The following CDC14A variants were observed in gnomAD, a reference collection of about 807,000 sequenced individuals.
The protein encoded by CDC14A is cell division cycle 14A, also known as dual specificity protein phosphatase CDC14A.
In CDC14A, 53 loss-of-function variants were observed where a neutral mutation model predicts 74.4. The observed-to-expected ratio is 0.71, with a 90% CI of 0.57 to 0.89. CDC14A has a LOEUF of 0.89. CDC14A is among the 40% of genes least tolerant of loss of function. CDC14A has a pLI of 0.00. For missense variants in CDC14A, 646 were observed against 713.7 expected, an observed-to-expected ratio of 0.91 and a Z score of 1.08; for synonymous variants, 247 against 258.4, an observed-to-expected ratio of 0.96 and a Z score of 0.43.
chr1:100,391,403 A>G (rs767476325), intron 4 of CDC14A, among the ~76,000 whole-genome samples: 2 of 152,228 alleles, frequency 1.3e-5, no homozygotes, highest in Non-Finnish European at 2.9e-5. Context: ...AGACACTAAC[A>G]TGTCAGTATG....
At chr1:100,374,869 C>T (rs1052698348) in intron 2 of CDC14A, among the ~76,000 whole-genome samples, 13 of 152,162 alleles carry the variant, frequency 8.5e-5, no homozygotes, top group Non-Finnish European at 1.6e-4. Flanking sequence ...CATTAATGAA[C>T]AAACTATTTC....
intron 2 of CDC14A, among the ~76,000 whole-genome samples, chr1:100,374,274 A>C (rs1024764657): frequency 6.6e-6 from 1 of 152,164 alleles, no homozygotes; most frequent in East Asian, 1.9e-4. Context: ...GTACGTGTGC[A>C]TGTGTCTTTA....
intron 2 of CDC14A, among the ~76,000 whole-genome samples, chr1:100,364,709 G>A (rs1296828438): frequency 6.6e-6 from 1 of 152,184 alleles, no homozygotes; most frequent in Non-Finnish European, 1.5e-5. Context: ...AATTTACACT[G>A]CTTGAGAATA....
At chr1:100,421,371 G>A (rs1437917187) in intron 4 of CDC14A, among the ~76,000 whole-genome samples, 1 of 152,118 alleles carries the variant, frequency 6.6e-6, no homozygotes, top group African/African-American at 2.4e-5. Flanking sequence ...ACAAATTTTC[G>A]AGCATTAAAT....
Position 100,372,493 on chromosome 1 carries a change from CT to C in CDC14A, c.141-5051del, listed in dbSNP as rs1448703070. 3.3e-5 allele frequency among the ~76,000 whole-genome samples: 5 copies of C among 152,310 alleles called. No individual in the cohort carries two copies. In the East Asian group the frequency reaches 9.6e-4, roughly 29 times the overall value. On this transcript the variant is annotated intron_variant, in intron 2 of 15. Coordinates refer to ENST00000336454, the MANE Select transcript of CDC14A (RefSeq NM_003672.4). ...GTCATTTCAATAATATTCACAGCAT[CT>C]TCAAAAGGAGTAAATTCCATCTGAA...
chr1:100,408,795 GA>G (rs1450317764), intron 4 of CDC14A, among the ~76,000 whole-genome samples: 1 of 152,138 alleles, frequency 6.6e-6, no homozygotes, highest in African/African-American at 2.4e-5. Flanking sequence ...GATCAGAACG[GA>G]TCCAGGCAAT....
chr1:100,393,674 T>A lies in CDC14A; in HGVS notation c.309+2850T>A, dbSNP rs184180633. The stretch of plus-strand genomic sequence containing the variant: ...CAAAATATGGATCAAGTGGTCAATA[T>A]CAATCAAGCGGTGGCACACGACTGT... On this transcript the variant is annotated intron_variant, in intron 4 of 15. Coordinates refer to ENST00000336454, the MANE Select transcript of CDC14A (RefSeq NM_003672.4). 3.2e-3 allele frequency: 1,603 copies of A among 501,640 alleles called. 3 individuals are homozygous for A. The highest frequency in any genetic ancestry group is 4.9e-3 in the Non-Finnish European group (1,311 of 266,314). The allele number at this position is 501,640 out of a possible 1,614,324, so 31.1% of individuals were successfully genotyped here. A position where few individuals can be genotyped will look rare whatever the true frequency, so the allele number is the denominator to read the frequency against.
At chr1:100,358,289 C>G (rs1652198623) in intron 2 of CDC14A, among the ~76,000 whole-genome samples, 1 of 152,178 alleles carries the variant, frequency 6.6e-6, no homozygotes, top group Non-Finnish European at 1.5e-5. Flanking sequence ...GTAATCCAAA[C>G]AGGCGCTTAC....
At chr1:100,497,395 A>C (rs1648003658) in intron 13 of CDC14A, among the ~76,000 whole-genome samples, 1 of 152,230 alleles carries the variant, frequency 6.6e-6, no homozygotes, top group South Asian at 2.1e-4. Context: ...GAAAGTGTGG[A>C]AAGAAGGACC....
At position 100,407,708 on chromosome 1, in the gene CDC14A, G is replaced by C. The variant is rs186006548; in HGVS notation, c.310-16514G>C. Reference sequence around the variant, plus strand: ...TACCCTTTATTTCTTTCTCTTGTCTGATGGCCTTGGCGAGAACTTCCAATA... The same window carrying C: ...TACCCTTTATTTCTTTCTCTTGTCTCATGGCCTTGGCGAGAACTTCCAATA... On this transcript the variant is annotated intron_variant, in intron 4 of 15. Transcript: ENST00000336454. 2.6e-5 allele frequency among the ~76,000 whole-genome samples: 4 copies of C among 152,054 alleles called. No individual in the cohort carries two copies. The South Asian group carries it at 6.2e-4, about 24-fold the overall frequency.
At chr1:100,498,241 T>A (rs1648163565) in intron 14 of CDC14A, 34 bp downstream of exon 14, 1 of 1,605,276 alleles carries the variant, frequency 6.2e-7, no homozygotes, top group Non-Finnish European at 8.5e-7. Context: ...AGGTGCTGGT[T>A]TGAGGTAAAG....
At position 100,466,671 on chromosome 1, in the gene CDC14A, G is replaced by A. The variant is rs549726599; in HGVS notation, c.839-1285G>A. On this transcript the variant is annotated intron_variant, in intron 9 of 15. Coordinates refer to ENST00000336454, the MANE Select transcript of CDC14A (RefSeq NM_003672.4). ...AGATCACCTGAGGTCAGGACTTCGA[G>A]ACCAGACTGACCAACATGGAGAAAC... Among the ~76,000 whole-genome samples the A allele has an allele frequency of 1.8e-4, 27 of 152,174 alleles. 1 individual carries two copies. Among genetic ancestry groups the A allele is most frequent in the African/African-American group, 6.0e-4 (25 of 41,532 alleles).
In CDC14A at chr1:100,462,843, G is replaced by T; in HGVS notation, c.800G>T (p.Cys267Phe). The T allele has an allele frequency of 6.2e-7, 1 of 1,614,024 alleles. No homozygotes were observed. Among genetic ancestry groups the T allele is most frequent in the East Asian group, 2.2e-5 (1 of 44,856 alleles). The change falls in exon 9 of 16, where the codon TGT (cysteine) becomes TTT (phenylalanine). Residue 267 changes from cysteine (C) to phenylalanine (F), a missense_variant. Transcript: ENST00000336454. ...DNIVRRFLNI[C>F]ENTEGAIAVH... ...ATCGTGCGAAGGTTCCTGAACATCT[G>T]TGAGAACACCGAAGGGGCCATCGCC...
At chr1:100,374,212 A>G (rs533674270) in intron 2 of CDC14A, among the ~76,000 whole-genome samples, 5 of 152,058 alleles carry the variant, frequency 3.3e-5, no homozygotes, top group African/African-American at 4.8e-5. Flanking sequence ...TCATTGTTGG[A>G]CATTTGGGTT....
chr1:100,462,835 G>A lies in CDC14A; in HGVS notation c.792G>A (p.Leu264=). 1 of 1,613,982 alleles carries A rather than the reference G, an allele frequency of 6.2e-7. No individual in the cohort carries two copies. Residue 264 remains leucine (L), a synonymous_variant, in exon 9 of 16, where the codon CTG becomes CTA. Transcript: ENST00000336454. ...TPSDNIVRRF[L]NICENTEGAI... is the part of the protein sequence containing the mutation. ...GTGACAACATCGTGCGAAGGTTCCTGAACATCTGTGAGAACACCGAAGGGG... is the reference window on the plus strand; with the variant it reads ...GTGACAACATCGTGCGAAGGTTCCTAAACATCTGTGAGAACACCGAAGGGG...
intron 5 of CDC14A, among the ~76,000 whole-genome samples, chr1:100,429,747 A>T (rs1476943521): frequency 1.4e-5 from 2 of 139,462 alleles, no homozygotes; most frequent in Non-Finnish European, 3.0e-5. Context: ...AAGTATATTT[A>T]TATATATATT....
intron 7 of CDC14A, among the ~76,000 whole-genome samples, chr1:100,453,837 TC>T (rs1666388319): frequency 6.6e-6 from 1 of 152,236 alleles, no homozygotes; most frequent in African/African-American, 2.4e-5. Context: ...AGACGGGGTT[TC>T]ACCATGTTGC....
chr1:100,470,094 T>C (rs572241313), intron 10 of CDC14A, among the ~76,000 whole-genome samples: 8 of 152,140 alleles, frequency 5.3e-5, no homozygotes, highest in Non-Finnish European at 1.2e-4. Flanking sequence ...AAAGAAACAT[T>C]GCATATCAAA....
intron 2 of CDC14A, among the ~76,000 whole-genome samples, chr1:100,361,444 G>T (rs1374246137): frequency 1.3e-5 from 2 of 152,106 alleles, no homozygotes; most frequent in Non-Finnish European, 2.9e-5. Context: ...GTTTTTGAAG[G>T]GTGTATAATA....
Sources: gnomAD v4.1 joint callset for allele counts (sites outside exome capture counted in the v4.1 genomes callset) on GRCh38, gnomAD v4.1.1 for gene constraint, MANE v1.5 for transcripts, NCBI Gene and HGNC (gene_info 2026-07-23, HGNC 2026-07-21) for gene names.